MKLN1: variants seen among roughly 807,000 people sequenced by gnomAD.
MKLN1 encodes the protein muskelin.
A neutral mutation model predicts 99.0 loss-of-function variants in MKLN1; 18 were observed. The observed-to-expected ratio is 0.18, with a 90% confidence interval of 0.13 to 0.27. The LOEUF (loss-of-function observed/expected upper bound fraction) is 0.27, where lower values mean the gene tolerates loss of function less well. MKLN1 is among the 10% of genes least tolerant of loss of function. The pLI, the probability that MKLN1 is intolerant of heterozygous loss-of-function variation, is 1.00. For missense variants in MKLN1, 621 were observed against 875.9 expected (o/e 0.71, Z 3.67); for synonymous variants, 288 against 293.2 (o/e 0.98, Z 0.18).
chr7:131,451,898 T>C (rs1214715986), intron 12 of MKLN1, among the ~76,000 whole-genome samples: 1 of 152,226 alleles, frequency 6.6e-6, no homozygotes, highest in Non-Finnish European at 1.5e-5. Flanking sequence ...CTCAGTCTAC[T>C]ATAGTAAGAG....
intron 3 of MKLN1, among the ~76,000 whole-genome samples, chr7:131,270,653 A>G (rs1172172418): frequency 3.3e-5 from 5 of 152,204 alleles, no homozygotes; most frequent in South Asian, 2.1e-4. Flanking sequence ...CCATTTGTTC[A>G]TTCCAAAATA....
intron 1 of MKLN1, among the ~76,000 whole-genome samples, chr7:131,137,197 A>G (rs1308522782): frequency 1.3e-5 from 2 of 152,128 alleles, no homozygotes; most frequent in African/African-American, 2.4e-5. Context: ...GCGCCTGTAC[A>G]GTTTGAGCAC....
intron 2 of MKLN1, among the ~76,000 whole-genome samples, chr7:131,191,070 T>C (rs1252144322): frequency 6.6e-6 from 1 of 152,206 alleles, no homozygotes; most frequent in East Asian, 1.9e-4. Flanking sequence ...AGGCCATAGA[T>C]AGCAGGTCTT....
intron 3 of MKLN1, among the ~76,000 whole-genome samples, chr7:131,319,423 A>G (rs1798730577): frequency 6.6e-6 from 1 of 152,220 alleles, no homozygotes; most frequent in South Asian, 2.1e-4. Flanking sequence ...TCAATAAACT[A>G]GGTATTGATA....
rs1311325776 is a variant in MKLN1 at position 131,483,169 on chromosome 7, C to CT, written c.2087-4433dup. Among the ~76,000 whole-genome samples the CT allele has an allele frequency of 3.3e-5, 5 of 152,120 alleles. No homozygotes were observed. In the East Asian group the frequency reaches 9.6e-4, roughly 29 times the overall value. On this transcript the variant is annotated intron_variant, in intron 17 of 17. Transcript: ENST00000352689. ...TGAGGTTTAGAATCAATATCATCAC[C>CT]TTTTTGTCCTAGCAGTGCCATTTAA... is the stretch of plus-strand genomic sequence containing the variant.
At chr7:131,281,273 A>G (rs1487206360) in intron 3 of MKLN1, among the ~76,000 whole-genome samples, 2 of 151,534 alleles carry the variant, frequency 1.3e-5, no homozygotes, top group Non-Finnish European at 2.9e-5. Flanking sequence ...CAGTTGTCCC[A>G]GCAACATTTG....
At position 131,387,087 on chromosome 7, in the gene MKLN1, A is replaced by G. The variant is rs375176029; in HGVS notation, c.169-33A>G. 12 of 1,558,306 alleles carry G rather than the reference A, an allele frequency of 7.7e-6. No homozygotes were observed. The African/African-American group carries it at 1.5e-4, about 20-fold the overall frequency. ...GTTGTCTAACATTTGTTTTAAACAG[A>G]AGAGGATATAATTTGGTCGTTTCTT... On this transcript the variant is annotated intron_variant, in intron 2 of 17. Coordinates refer to ENST00000352689, the MANE Select transcript of MKLN1 (RefSeq NM_013255.5).
intron 1 of MKLN1, among the ~76,000 whole-genome samples, chr7:131,361,569 GT>G (rs1212659606): frequency 6.8e-6 from 1 of 147,764 alleles, no homozygotes; most frequent in Non-Finnish European, 1.5e-5. Flanking sequence ...ATGCATTCCA[GT>G]TTTTTGTTTC....
chr7:131,321,227 C>T (rs1302738478), intron 3 of MKLN1, among the ~76,000 whole-genome samples: 2 of 148,134 alleles, frequency 1.4e-5, no homozygotes, highest in Non-Finnish European at 3.0e-5. Flanking sequence ...GGCACATAAA[C>T]ACCATGGAAT....
rs184856327 is a variant in MKLN1 at position 131,345,453 on chromosome 7, T to C, written c.98+17456T>C. On this transcript the variant is annotated intron_variant, in intron 1 of 17. Transcript: ENST00000352689. The stretch of plus-strand genomic sequence containing the variant: ...GATTCTCAAACTGTAGTAACAGAAA[T>C]TCCTTCAGCTCCCTTGTATTTATTT... Among the ~76,000 whole-genome samples the C allele has an allele frequency of 6.2e-4, 94 of 152,320 alleles. 1 individual carries two copies. Among genetic ancestry groups the C allele is most frequent in the African/African-American group, 2.2e-3 (91 of 41,572 alleles).
chr7:131,475,999 A>G lies in MKLN1; in HGVS notation c.2032-2624A>G, dbSNP rs563118696. The stretch of plus-strand genomic sequence containing the variant: ...TCTAGGAATATATGGCTAGTTTAAC[A>G]TTTGAAAAAAAATTCAGTGTAATTC... On this transcript the variant is annotated intron_variant, in intron 16 of 17. Transcript: ENST00000352689. 3.8e-3 allele frequency among the ~76,000 whole-genome samples: 583 copies of G among 152,306 alleles called. 5 individuals are homozygous for G. The highest frequency in any genetic ancestry group is 0.01 in the Middle Eastern group (3 of 294).
chr7:131,487,501 C>A lies in MKLN1; in HGVS notation c.2087-106C>A. ...CAGTAGTGTCTGCCTGGTTTTGAAG[C>A]CTGATTTGATTTCTCCATTATAAAA... On this transcript the variant is annotated intron_variant, in intron 17 of 17. Coordinates refer to ENST00000352689, the MANE Select transcript of MKLN1 (RefSeq NM_013255.5). This position sits in a 1 kb window ranked among gnomAD's most constrained non-coding sequence, Gnocchi z 4.7. 2 of 1,290,794 alleles carry A rather than the reference C, an allele frequency of 1.5e-6. No homozygotes were observed. Among genetic ancestry groups the A allele is most frequent in the South Asian group, 2.9e-5 (2 of 68,934 alleles). The allele number at this position is 1,290,794 out of a possible 1,614,324, so 80.0% of individuals were successfully genotyped here.
intron 1 of MKLN1, among the ~76,000 whole-genome samples, chr7:131,344,259 T>C (rs575347426): frequency 6.6e-6 from 1 of 152,278 alleles, no homozygotes; most frequent in African/African-American, 2.4e-5. Flanking sequence ...AAATACTACT[T>C]TTAACTAAGA....
At chr7:131,255,617 T>TG (rs1310752491) in intron 3 of MKLN1, among the ~76,000 whole-genome samples, 7 of 152,126 alleles carry the variant, frequency 4.6e-5, no homozygotes, top group Non-Finnish European at 1.0e-4. Context: ...CTCGCTCTGT[T>TG]GCCCAGGCTG....
intron 2 of MKLN1, among the ~76,000 whole-genome samples, chr7:131,182,027 G>A (rs1403255080): frequency 6.6e-6 from 1 of 152,056 alleles, no homozygotes; most frequent in Non-Finnish European, 1.5e-5. Flanking sequence ...CCAGTTACCC[G>A]GGAAGCTGAA....
chr7:131,303,699 G>A (rs1798411210), intron 3 of MKLN1, among the ~76,000 whole-genome samples: 1 of 152,208 alleles, frequency 6.6e-6, no homozygotes, highest in African/African-American at 2.4e-5. Context: ...TGAATTTGGT[G>A]AGTCTCAACC....
Position 131,378,596 on chromosome 7 carries a change from A to G in MKLN1, c.168+3103A>G, listed in dbSNP as rs1420778900. ...TGTAATCCTACCACTTTGGGAGGCCAAGACGGGTGGATCACTTGTGCTCAG... is the reference window on the plus strand; with the variant it reads ...TGTAATCCTACCACTTTGGGAGGCCGAGACGGGTGGATCACTTGTGCTCAG... On this transcript the variant is annotated intron_variant, in intron 2 of 17. Transcript: ENST00000352689. 3.9e-5 allele frequency among the ~76,000 whole-genome samples: 6 copies of G among 152,292 alleles called. No homozygotes were observed. In the South Asian group the frequency reaches 1.2e-3, roughly 32 times the overall value.
chr7:131,469,063 T>G (rs951686401), intron 15 of MKLN1, among the ~76,000 whole-genome samples: 3 of 152,122 alleles, frequency 2.0e-5, no homozygotes, highest in Non-Finnish European at 4.4e-5. Flanking sequence ...TCTGTCTGCT[T>G]CTTTCTCCAT....
chr7:131,214,190 CG>C (rs980756071), intron 3 of MKLN1, among the ~76,000 whole-genome samples: 47 of 152,086 alleles, frequency 3.1e-4, no homozygotes, highest in African/African-American at 8.9e-4. Flanking sequence ...GCCCAGCCCT[CG>C]TTCTCCTTTC....
Sources: allele counts gnomAD v4.1 joint callset (sites outside exome capture counted in the v4.1 genomes callset), GRCh38; gene constraint gnomAD v4.1.1; non-coding constraint Gnocchi (gnomAD v3.1); transcripts MANE v1.5; gene names NCBI Gene and HGNC (gene_info 2026-07-23, HGNC 2026-07-21).